SLTM: variants seen among roughly 807,000 people sequenced by gnomAD.
The protein encoded by SLTM is SAFB like transcription modulator.
SLTM carries 43 observed loss-of-function variants against 134.6 expected under a neutral mutation model. That is an observed-to-expected ratio of 0.32 (90% CI 0.25 to 0.41). SLTM has a LOEUF of 0.41. SLTM is among the 10% of genes least tolerant of loss of function. SLTM has a pLI of 1.00. For synonymous variants in SLTM, 424 were observed against 432.3 expected, an observed-to-expected ratio of 0.98 and a Z score of 0.24; for missense variants, 1,055 against 1,288.8, an observed-to-expected ratio of 0.82 and a Z score of 2.78.
chr15:58,919,637 A>G (rs1338004867), intron 2 of SLTM, among the ~76,000 whole-genome samples: 1 of 152,100 alleles, frequency 6.6e-6, no homozygotes, highest in Non-Finnish European at 1.5e-5. Flanking sequence ...CTCAGAAGCA[A>G]AATAAACCAA....
At chr15:58,913,088 C>T (rs1472935898) in intron 4 of SLTM, among the ~76,000 whole-genome samples, 1 of 152,114 alleles carries the variant, frequency 6.6e-6, no homozygotes, top group East Asian at 1.9e-4. Flanking sequence ...GGAAAAAACC[C>T]TACCACCAAG....
chr15:58,910,484 G>T (rs1193897687), intron 5 of SLTM, among the ~76,000 whole-genome samples: 1 of 152,154 alleles, frequency 6.6e-6, no homozygotes, highest in Non-Finnish European at 1.5e-5. Context: ...TCCCTGATAA[G>T]AAATACATAA....
At chr15:58,928,149 A>C (rs1362721944) in intron 2 of SLTM, among the ~76,000 whole-genome samples, 1 of 152,234 alleles carries the variant, frequency 6.6e-6, no homozygotes, top group Non-Finnish European at 1.5e-5. Flanking sequence ...TGCATTACAT[A>C]TAGTTCTAAA....
chr15:58,898,858 G>A lies in SLTM; in HGVS notation c.1059-6C>T, dbSNP rs1429902192. ...CTTTAGATTCCTTTGAAGAGCTAAA[G>A]AGGCAAATCACCAGAAGAAAATTGA... On this transcript the variant is annotated splice_region_variant and splice_polypyrimidine_tract_variant and intron_variant, in intron 7 of 20. Coordinates refer to ENST00000380516, the MANE Select transcript of SLTM (RefSeq NM_024755.4). The A allele has an allele frequency of 3.1e-6, 5 of 1,605,138 alleles. No homozygotes were observed. Among genetic ancestry groups the A allele is most frequent in the Admixed American group, 3.4e-5 (2 of 58,426 alleles).
chr15:58,899,978 G>A lies in SLTM; in HGVS notation c.590-41C>T. Reference sequence around the variant, plus strand: ...AGGAATAAATATGGCAAAACAAGAAGTTTAAACAATTTCATATTCATAAGC... The same window carrying A: ...AGGAATAAATATGGCAAAACAAGAAATTTAAACAATTTCATATTCATAAGC... On this transcript the variant is annotated intron_variant, in intron 6 of 20. Coordinates refer to ENST00000380516, the MANE Select transcript of SLTM (RefSeq NM_024755.4). The surrounding 1 kb of genome is among the most constrained non-coding windows in gnomAD (Gnocchi z 5.0). 2.1e-6 allele frequency: 3 copies of A among 1,461,312 alleles called. No homozygotes were observed. The highest frequency in any genetic ancestry group is 2.8e-6 in the Non-Finnish European group (3 of 1,073,778). 90.5% of individuals were successfully genotyped at this position (1,461,312 alleles called of 1,614,324 possible). A position where few individuals can be genotyped will look rare whatever the true frequency, so the allele number is the denominator to read the frequency against.
chr15:58,914,422 G>A (rs1477916154), intron 3 of SLTM, among the ~76,000 whole-genome samples: 2 of 152,222 alleles, frequency 1.3e-5, no homozygotes, highest in African/African-American at 4.8e-5. Flanking sequence ...GAAAGAGGCA[G>A]AGGCATGACT....
intron 17 of SLTM, among the ~76,000 whole-genome samples, chr15:58,887,867 G>C (rs1416221760): frequency 6.6e-6 from 1 of 152,132 alleles, no homozygotes; most frequent in Non-Finnish European, 1.5e-5. Flanking sequence ...AAGATAAGAA[G>C]AGGCGGGGAG....
Position 58,918,617 on chromosome 15 carries a change from G to A in SLTM, c.251-1618C>T, listed in dbSNP as rs571328355. On this transcript the variant is annotated intron_variant, in intron 2 of 20. Coordinates refer to ENST00000380516, the MANE Select transcript of SLTM (RefSeq NM_024755.4). ...GAAATGAAGTGTGGCGCTTGGTGTT[G>A]TGTTAACTTTCTATTTACAATGTTG... Among the ~76,000 whole-genome samples, 4 of 152,308 alleles carry A rather than the reference G, an allele frequency of 2.6e-5. No individual in the cohort carries two copies. In the South Asian group the frequency reaches 6.2e-4, roughly 24 times the overall value.
chr15:58,890,531 T>C, intron 14 of SLTM, 70 bp from the exon 15 acceptor site: 1 of 1,465,168 alleles, frequency 6.8e-7, no homozygotes, highest in South Asian at 1.4e-5. Flanking sequence ...AGCTTTGAAT[T>C]TGAATTTTTC....
chr15:58,922,803 T>G (rs1339431958), intron 2 of SLTM, among the ~76,000 whole-genome samples: 1 of 151,448 alleles, frequency 6.6e-6, no homozygotes, highest in Non-Finnish European at 1.5e-5. Flanking sequence ...ACCTCCATCT[T>G]GTGGGTTCGA....
chr15:58,928,493 T>C (rs1199886343), intron 2 of SLTM, among the ~76,000 whole-genome samples: 2 of 152,216 alleles, frequency 1.3e-5, no homozygotes, highest in African/African-American at 2.4e-5. Context: ...TTTATAAATA[T>C]GTTGATATAA....
rs1208621465 is a variant in SLTM at position 58,887,384 on chromosome 15, T to C, written c.2532A>G (p.Arg844=). The C allele has an allele frequency of 2.5e-6, 4 of 1,613,914 alleles. No homozygotes were observed. The highest frequency in any genetic ancestry group is 3.4e-6 in the Non-Finnish European group (4 of 1,180,008). Residue 844 remains arginine (R), a synonymous_variant, in exon 18 of 21, where the codon CGA becomes CGG. Transcript: ENST00000380516. Reference sequence around the variant, plus strand: ...TTTCGTCTCGCTCCCCTCGTACTTCTCGCCTGTCTGATTCTCTAAGTTCAT... The same window carrying C: ...TTTCGTCTCGCTCCCCTCGTACTTCCCGCCTGTCTGATTCTCTAAGTTCAT... ...PRNELRESDR[R]EVRGERDERR...
Position 58,887,250 on chromosome 15 carries a change from A to G in SLTM, c.2666T>C (p.Met889Thr), listed in dbSNP as rs748817094. 4 of 1,614,104 alleles carry G rather than the reference A, an allele frequency of 2.5e-6. No homozygotes were observed. The South Asian group carries it at 3.3e-5, about 13-fold the overall frequency. ...RPTSWKSEGS[M>T]STDKRETRVE... is the part of the protein sequence containing the mutation. ...CCTTGTTTCCCGTTTGTCAGTGGAC[A>G]TGCTTCCTTCACTTTTCCAGCTGGT... Residue 889 changes from methionine to threonine, a missense_variant, in exon 18 of 21, where the codon ATG becomes ACG. By Grantham distance (81) the Met-to-Thr change is moderately conservative. Transcript: ENST00000380516.
chr15:58,927,278 G>T (rs914673704), intron 2 of SLTM, among the ~76,000 whole-genome samples: 1 of 152,048 alleles, frequency 6.6e-6, no homozygotes, highest in Non-Finnish European at 1.5e-5. Flanking sequence ...TTCTAAAGAT[G>T]AACAGATTAT....
rs1310702835 is a variant in SLTM, at chr15:58,894,004, A to C, written c.1482-17T>G. ...GCTTGTGTCCTGACCATACCGCCCC[A>C]GACAAAAAAACAGAATGAGTACTTC... is the stretch of plus-strand genomic sequence containing the variant. On this transcript the variant is annotated splice_polypyrimidine_tract_variant and intron_variant, in intron 11 of 20. Transcript: ENST00000380516. The C allele has an allele frequency of 6.2e-7, 1 of 1,602,344 alleles. No individual in the cohort carries two copies. Among genetic ancestry groups the C allele is most frequent in the African/African-American group, 1.4e-5 (1 of 73,902 alleles).
intron 5 of SLTM, among the ~76,000 whole-genome samples, chr15:58,908,734 G>A (rs144458835): frequency 2.6e-5 from 4 of 152,224 alleles, no homozygotes; most frequent in African/African-American, 9.6e-5. Context: ...ACCTAGATAT[G>A]TATCAGTGGG....
intron 2 of SLTM, 163 bp downstream of exon 2, chr15:58,932,193 C>G (rs2037927381): frequency 3.4e-6 from 2 of 595,878 alleles, no homozygotes; most frequent in African/African-American, 1.8e-5. Context: ...ACAAGTCACC[C>G]AAAGCCTGGC....
rs150421381 is a variant in SLTM, at chr15:58,879,687, C to T, written c.*312G>A. On this transcript the variant is annotated 3_prime_UTR_variant, in exon 21 of 21. Coordinates refer to ENST00000380516, the MANE Select transcript of SLTM (RefSeq NM_024755.4). Reference sequence around the variant, plus strand: ...CACAGAGCTAAGGCTGCAAATTAAACCACTACCACACAGCTGCAAACTACT... The same window carrying T: ...CACAGAGCTAAGGCTGCAAATTAAATCACTACCACACAGCTGCAAACTACT... 4.4e-3 allele frequency: 876 copies of T among 198,812 alleles called. 7 individuals carry two copies. The highest frequency in any genetic ancestry group is 0.013 in the South Asian group (118 of 8,812). The allele number at this position is 198,812 out of a possible 1,614,324, so 12.3% of individuals were successfully genotyped here.
intron 17 of SLTM, 84 bp downstream of exon 17, chr15:58,888,300 GT>G: frequency 8.3e-7 from 1 of 1,205,436 alleles, no homozygotes; most frequent in Non-Finnish European, 1.2e-6. Flanking sequence ...TTCTGACCTG[GT>G]ACTTCCAGTT....
Sources: allele counts gnomAD v4.1 joint callset (sites outside exome capture counted in the v4.1 genomes callset), GRCh38; gene constraint gnomAD v4.1.1; non-coding constraint Gnocchi (gnomAD v3.1); transcripts MANE v1.5; gene names NCBI Gene and HGNC (gene_info 2026-07-23, HGNC 2026-07-21).